Variants in MANBA observed in about 807,000 individuals in gnomAD.
MANBA encodes the protein beta-mannosidase.
In MANBA, 83 loss-of-function variants were observed where a neutral mutation model predicts 111.1. The ratio of observed to expected loss-of-function variants is 0.75; its 90% CI spans 0.63 to 0.90. The LOEUF (loss-of-function observed/expected upper bound fraction) is 0.90, where lower values mean the gene tolerates loss of function less well. Ranked by LOEUF, MANBA falls within the 40% of genes least tolerant of loss-of-function variation. The pLI is 0.00. For missense variants in MANBA, 1,036 were observed against 1,069.0 expected, an observed-to-expected ratio of 0.97 and a Z score of 0.43; for synonymous variants, 370 against 378.7, an observed-to-expected ratio of 0.98 and a Z score of 0.27.
chr4:102,637,028 A>G (rs1729664383), intron 14 of MANBA, among the ~76,000 whole-genome samples: 1 of 152,128 alleles, frequency 6.6e-6, no homozygotes, highest in African/African-American at 2.4e-5. Context: ...ATAAAGAAGG[A>G]GTTTCCTGCA....
chr4:102,729,645 T>G (rs1350219791), intron 1 of MANBA: 14 of 1,341,262 alleles, frequency 1.0e-5, no homozygotes, highest in Non-Finnish European at 1.4e-5. Flanking sequence ...ATACTTGTTC[T>G]TGAAGTCCTC....
intron 5 of MANBA, among the ~76,000 whole-genome samples, chr4:102,694,178 G>A (rs1030791580): frequency 5.9e-5 from 9 of 152,018 alleles, no homozygotes; most frequent in Admixed American, 4.6e-4. Flanking sequence ...AGCATCACCC[G>A]TTAACACCCC....
At chr4:102,744,260 C>A (rs566970498) in intron 1 of MANBA, among the ~76,000 whole-genome samples, 1 of 152,176 alleles carries the variant, frequency 6.6e-6, no homozygotes, top group Admixed American at 6.5e-5. Context: ...TACCACTGGA[C>A]CCCTAGAAAT....
Position 102,754,650 on chromosome 4 carries a change from G to A in MANBA, c.177+6068C>T, listed in dbSNP as rs187020611. ...TGGCTCATTGCAAGCTCCACCTCCC[G>A]GGTTCATGCCATTCTTCTGCCTCAG... is the stretch of plus-strand genomic sequence containing the variant. On this transcript the variant is annotated intron_variant, in intron 1 of 16. Transcript: ENST00000647097. Among the ~76,000 whole-genome samples, 455 of 151,752 alleles carry A rather than the reference G, an allele frequency of 3.0e-3. 1 individual carries two copies. Among genetic ancestry groups the A allele is most frequent in the African/African-American group, 0.01 (422 of 41,390 alleles).
At chr4:102,708,858 A>G (rs1721881659) in intron 5 of MANBA, among the ~76,000 whole-genome samples, 1 of 151,770 alleles carries the variant, frequency 6.6e-6, no homozygotes, top group Admixed American at 6.6e-5. Flanking sequence ...GTATATTATT[A>G]TATACAAAAT....
intron 1 of MANBA, among the ~76,000 whole-genome samples, chr4:102,748,468 A>G (rs1427532965): frequency 6.6e-6 from 1 of 152,170 alleles, no homozygotes; most frequent in African/African-American, 2.4e-5. Flanking sequence ...TGTGGGGGGA[A>G]AATACATGTA....
At chr4:102,664,919 CT>C in intron 10 of MANBA, 67 bp from the exon 11 acceptor site, 2 of 1,264,800 alleles carry the variant, frequency 1.6e-6, no homozygotes, top group South Asian at 2.5e-5. Flanking sequence ...GCTATAATTA[CT>C]CATAAAATTA....
intron 15 of MANBA, 116 bp downstream of exon 15, chr4:102,635,749 T>A: frequency 9.3e-7 from 1 of 1,073,648 alleles, no homozygotes; most frequent in South Asian, 1.3e-5. Flanking sequence ...CCTGAATATA[T>A]GTATTCTAAC....
At chr4:102,694,995 C>T (rs1732642406) in intron 5 of MANBA, among the ~76,000 whole-genome samples, 1 of 152,016 alleles carries the variant, frequency 6.6e-6, no homozygotes, top group Admixed American at 6.6e-5. Flanking sequence ...AAGGTTTTCC[C>T]AGAGATGACT....
chr4:102,736,765 C>T (rs951642913), intron 1 of MANBA, among the ~76,000 whole-genome samples: 1 of 152,210 alleles, frequency 6.6e-6, no homozygotes, highest in Non-Finnish European at 1.5e-5. Context: ...TGTGGAGACT[C>T]ACACTGTGAA....
At chr4:102,640,975 A>G (rs1365920960) in intron 13 of MANBA, among the ~76,000 whole-genome samples, 1 of 152,206 alleles carries the variant, frequency 6.6e-6, no homozygotes, top group Non-Finnish European at 1.5e-5. Flanking sequence ...GCCAGAAAAA[A>G]ATGATACAGC....
intron 13 of MANBA, among the ~76,000 whole-genome samples, chr4:102,646,800 A>T (rs775623727): frequency 6.6e-6 from 1 of 152,144 alleles, no homozygotes. Flanking sequence ...AGGTAAGGCA[A>T]GATTATCCTG....
intron 7 of MANBA, among the ~76,000 whole-genome samples, chr4:102,683,934 G>A (rs1485403231): frequency 6.6e-6 from 1 of 152,048 alleles, no homozygotes; most frequent in Non-Finnish European, 1.5e-5. Context: ...CAGTCATCAA[G>A]ATATTCTGCC....
chr4:102,710,124 C>T (rs1310628230), intron 5 of MANBA, among the ~76,000 whole-genome samples: 2 of 152,074 alleles, frequency 1.3e-5, no homozygotes, highest in African/African-American at 2.4e-5. Flanking sequence ...CCACGTTCAC[C>T]ACTCCTATCC....
intron 4 of MANBA, among the ~76,000 whole-genome samples, chr4:102,720,482 G>A (rs1347236473): frequency 1.3e-5 from 2 of 151,466 alleles, no homozygotes; most frequent in African/African-American, 4.9e-5. Flanking sequence ...GCAGGCGCCT[G>A]TAATCCCAGC....
intron 14 of MANBA, among the ~76,000 whole-genome samples, chr4:102,637,875 G>A (rs1343012409): frequency 6.6e-6 from 1 of 152,156 alleles, no homozygotes; most frequent in African/African-American, 2.4e-5. Context: ...GCTTGAAGCT[G>A]GTCAGTCAGA....
intron 5 of MANBA, among the ~76,000 whole-genome samples, chr4:102,704,920 G>A (rs768202624): frequency 6.6e-6 from 1 of 152,188 alleles, no homozygotes; most frequent in Non-Finnish European, 1.5e-5. Flanking sequence ...ATTTCTCTAT[G>A]TTAAGTACAA....
chr4:102,674,962 C>T (rs1224950122), intron 7 of MANBA, among the ~76,000 whole-genome samples: 1 of 152,200 alleles, frequency 6.6e-6, no homozygotes, highest in Non-Finnish European at 1.5e-5. Context: ...TTCCTGACTC[C>T]TGACTTTATT....
chr4:102,664,732 C>T lies in MANBA; in HGVS notation c.1438G>A (p.Asp480Asn). ...TTTTTCACATAGAGTGTCACATAGT[C>T]CTTGATGTAGATTGGCCGGTCAGTG... ...SFTDRPIYIK[D>N]YVTLYVKNIR... The change falls in exon 11 of 17, where the codon GAC (aspartate) becomes AAC (asparagine). Residue 480 changes from aspartate to asparagine, a missense_variant. Coordinates refer to ENST00000647097, the MANE Select transcript of MANBA (RefSeq NM_005908.4). The T allele has an allele frequency of 8.1e-6, 13 of 1,613,532 alleles. No homozygotes were observed. The highest frequency in any genetic ancestry group is 1.1e-5 in the Non-Finnish European group (13 of 1,179,398).
Sources: gnomAD v4.1 joint callset for allele counts (sites outside exome capture counted in the v4.1 genomes callset) on GRCh38, gnomAD v4.1.1 for gene constraint, MANE v1.5 for transcripts, NCBI Gene and HGNC (gene_info 2026-07-23, HGNC 2026-07-21) for gene names.